Variants in ZNF385B observed in about 807,000 individuals in gnomAD.
ZNF385B encodes zinc finger protein 385B.
Under a neutral mutation model 39.2 loss-of-function variants are expected in ZNF385B, and 23 were observed. The ratio of observed to expected loss-of-function variants is 0.59; its 90% CI spans 0.42 to 0.83. The LOEUF (loss-of-function observed/expected upper bound fraction) is 0.83. Among genes scored for constraint, ZNF385B ranks in the 40% least tolerant of loss-of-function variants. The probability of loss-of-function intolerance (pLI) is 0.00; values close to 1 mark genes in which losing one functional copy is unlikely to be tolerated. For missense variants in ZNF385B, 552 were observed against 598.9 expected (o/e 0.92, Z 0.82); for synonymous variants, 205 against 222.6 (o/e 0.92, Z 0.70).
At chr2:179,611,765 G>A (rs1224973822) in intron 3 of ZNF385B, among the ~76,000 whole-genome samples, 1 of 152,136 alleles carries the variant, frequency 6.6e-6, no homozygotes, top group African/African-American at 2.4e-5. Context: ...TAGGTTGTAT[G>A]TGTCTAGGAA....
At chr2:179,757,010 C>T (rs1283003659) in intron 3 of ZNF385B, among the ~76,000 whole-genome samples, 5 of 152,204 alleles carry the variant, frequency 3.3e-5, no homozygotes, top group Non-Finnish European at 7.3e-5. Context: ...TGGCAAGGAG[C>T]TGTGTTCCTT....
intron 3 of ZNF385B, among the ~76,000 whole-genome samples, chr2:179,726,960 T>C (rs1291394107): frequency 6.6e-6 from 1 of 152,058 alleles, no homozygotes; most frequent in African/African-American, 2.4e-5. Flanking sequence ...GAATCCACAT[T>C]ACTTTAACCC....
At position 179,510,402 on chromosome 2, in the gene ZNF385B, T is replaced by C. The variant is rs534380806; in HGVS notation, c.552+8126A>G. ...GTGTGTGTACATAGGTGAATGTTTA[T>C]ATATGTGAATATACATATATATATA... is the stretch of plus-strand genomic sequence containing the variant. On this transcript the variant is annotated intron_variant, in intron 5 of 9. Coordinates refer to ENST00000410066, the MANE Select transcript of ZNF385B (RefSeq NM_152520.6). 3.9e-5 allele frequency among the ~76,000 whole-genome samples: 6 copies of C among 152,214 alleles called. No individual in the cohort carries two copies. In the South Asian group the frequency reaches 1.2e-3, roughly 32 times the overall value.
intron 1 of ZNF385B, among the ~76,000 whole-genome samples, chr2:179,817,219 G>A (rs1055155235): frequency 5.3e-5 from 8 of 152,048 alleles, no homozygotes; most frequent in African/African-American, 1.7e-4. Context: ...ATCAATGAAA[G>A]CAAGTAACTG....
chr2:179,639,226 C>CAAA (rs59905278), intron 3 of ZNF385B, among the ~76,000 whole-genome samples: 23 of 93,012 alleles, frequency 2.5e-4, no homozygotes, highest in South Asian at 4.6e-4. Context: ...GATCCTGCCT[C>CAAA]AAAAAAAAAA....
At chr2:179,793,759 G>A (rs1380076734) in intron 1 of ZNF385B, among the ~76,000 whole-genome samples, 4 of 152,178 alleles carry the variant, frequency 2.6e-5, no homozygotes, top group African/African-American at 9.7e-5. Context: ...CAGGTGGCTG[G>A]GGGCAGATGT....
At chr2:179,583,552 G>A (rs1686773862) in intron 3 of ZNF385B, among the ~76,000 whole-genome samples, 1 of 152,120 alleles carries the variant, frequency 6.6e-6, no homozygotes, top group Admixed American at 6.5e-5. Context: ...GGGTTATATG[G>A]CTCAGTTTTC....
At chr2:179,569,241 A>G (rs1449059378) in intron 3 of ZNF385B, among the ~76,000 whole-genome samples, 2 of 152,180 alleles carry the variant, frequency 1.3e-5, no homozygotes, top group East Asian at 3.9e-4. Flanking sequence ...TGCCTTGCTG[A>G]TATAAGGAGG....
chr2:179,506,461 A>G (rs1261460921), intron 5 of ZNF385B, among the ~76,000 whole-genome samples: 19 of 152,162 alleles, frequency 1.2e-4, no homozygotes, highest in Admixed American at 6.6e-4. Flanking sequence ...AAAATAAGAA[A>G]TAAACGAAAA....
At chr2:179,722,789 C>A (rs1414287385) in intron 3 of ZNF385B, among the ~76,000 whole-genome samples, 1 of 151,952 alleles carries the variant, frequency 6.6e-6, no homozygotes, top group East Asian at 1.9e-4. Flanking sequence ...CAAGCCATTC[C>A]ACGTGAGAAT....
intron 6 of ZNF385B, among the ~76,000 whole-genome samples, chr2:179,474,618 A>C (rs1223629526): frequency 6.6e-6 from 1 of 152,164 alleles, no homozygotes; most frequent in Non-Finnish European, 1.5e-5. Flanking sequence ...ATGCTCATTC[A>C]GTTACATGTT....
chr2:179,713,916 C>A (rs141017344), intron 3 of ZNF385B, among the ~76,000 whole-genome samples: 66 of 152,248 alleles, frequency 4.3e-4, no homozygotes, highest in African/African-American at 1.6e-3. Context: ...AAGGTTAGGA[C>A]ATACTAATTT....
intron 3 of ZNF385B, among the ~76,000 whole-genome samples, chr2:179,715,100 T>C (rs941862041): frequency 6.6e-6 from 1 of 152,082 alleles, no homozygotes; most frequent in African/African-American, 2.4e-5. Flanking sequence ...AACACATCTA[T>C]ACACATGCAA....
intron 3 of ZNF385B, among the ~76,000 whole-genome samples, chr2:179,620,394 A>G (rs762480869): frequency 1.3e-5 from 2 of 152,202 alleles, no homozygotes; most frequent in African/African-American, 4.8e-5. Context: ...TTCTGGTTTT[A>G]GTATTTGACA....
chr2:179,820,729 G>A (rs985723387), intron 1 of ZNF385B, among the ~76,000 whole-genome samples: 8 of 151,970 alleles, frequency 5.3e-5, no homozygotes, highest in African/African-American at 1.9e-4. Context: ...GGCTATAATT[G>A]TATTTTTTAT....
intron 3 of ZNF385B, among the ~76,000 whole-genome samples, chr2:179,717,252 G>GC (rs1382549506): frequency 6.6e-6 from 1 of 152,188 alleles, no homozygotes; most frequent in African/African-American, 2.4e-5. Flanking sequence ...TGGCTTCCAT[G>GC]AAGGTAACAA....
intron 1 of ZNF385B, among the ~76,000 whole-genome samples, chr2:179,825,420 T>C (rs551976640): frequency 1.8e-4 from 28 of 152,306 alleles, no homozygotes; most frequent in African/African-American, 6.7e-4. Context: ...CTTGGTGGTT[T>C]TGAGCAGTGG....
At chr2:179,659,501 T>G (rs1694215565) in intron 3 of ZNF385B, among the ~76,000 whole-genome samples, 1 of 152,008 alleles carries the variant, frequency 6.6e-6, no homozygotes, top group Admixed American at 6.5e-5. Flanking sequence ...GACTAATGCA[T>G]GCAAATGTTA....
chr2:179,641,535 G>C (rs188803863), intron 3 of ZNF385B, among the ~76,000 whole-genome samples: 48 of 151,996 alleles, frequency 3.2e-4, no homozygotes, highest in African/African-American at 1.0e-3. Flanking sequence ...AAGCAGAAAT[G>C]GACTCTTGGA....
Sources: gnomAD v4.1 joint callset for allele counts (sites outside exome capture counted in the v4.1 genomes callset) on GRCh38, gnomAD v4.1.1 for gene constraint, MANE v1.5 for transcripts, NCBI Gene and HGNC (gene_info 2026-07-23, HGNC 2026-07-21) for gene names.